ZNF133: variants seen among roughly 807,000 people sequenced by gnomAD.
ZNF133 encodes zinc finger protein 133 (clone pHZ-13).
A neutral mutation model predicts 54.9 loss-of-function variants in ZNF133; 26 were observed. The ratio of observed to expected loss-of-function variants is 0.47; its 90% CI spans 0.35 to 0.66. The LOEUF (loss-of-function observed/expected upper bound fraction) is 0.66, where lower values mean the gene tolerates loss of function less well. Ranked by LOEUF, ZNF133 falls within the 30% of genes least tolerant of loss-of-function variation. ZNF133 has a pLI of 0.01. For synonymous variants in ZNF133, 298 were observed against 320.3 expected, an observed-to-expected ratio of 0.93 and a Z score of 0.74; for missense variants, 653 against 820.8, an observed-to-expected ratio of 0.80 and a Z score of 2.50.
chr20:18,298,956 A>C (rs552831708), intron 3 of ZNF133, among the ~76,000 whole-genome samples: 1 of 152,292 alleles, frequency 6.6e-6, no homozygotes, highest in South Asian at 2.1e-4. Context: ...CATCAATATT[A>C]AAAACAAAAC....
chr20:18,295,541 T>C (rs1380670757), intron 1 of ZNF133: 2 of 152,276 alleles, frequency 1.3e-5, no homozygotes, highest in African/African-American at 4.8e-5. Flanking sequence ...ATTTGGCTCA[T>C]TAGATCTACT....
intron 1 of ZNF133, among the ~76,000 whole-genome samples, chr20:18,291,186 C>T (rs2040895279): frequency 6.6e-6 from 1 of 152,206 alleles, no homozygotes; most frequent in Admixed American, 6.5e-5. Context: ...CTCTTCTTCA[C>T]CTTCTTGCCT....
chr20:18,314,271 G>A (rs184553623), intron 6 of ZNF133: 10 of 152,268 alleles, frequency 6.6e-5, no homozygotes, highest in Admixed American at 5.9e-4. Flanking sequence ...GCCTTCAGCT[G>A]ACTAGACCCA....
At position 18,305,591 on chromosome 20, in the gene ZNF133, G is replaced by A. The variant is rs913259476; in HGVS notation, c.-6-90G>A. ...TCACTGGGATCTTGATATCTCACCT[G>A]CCTCCCCCAGGGCAGCCTTATCCCT... is the stretch of plus-strand genomic sequence containing the variant. On this transcript the variant is annotated intron_variant, in intron 4 of 6. Coordinates refer to ENST00000425686, the MANE Select transcript of ZNF133 (RefSeq NM_001352452.2). The surrounding 1 kb of genome is among the most constrained non-coding windows in gnomAD (Gnocchi z 4.7). 1.5e-5 allele frequency: 23 copies of A among 1,585,908 alleles called. No homozygotes were observed. Among genetic ancestry groups the A allele is most frequent in the South Asian group, 9.0e-5 (8 of 88,664 alleles).
In ZNF133 at chr20:18,315,397, A is replaced by G. The variant is rs768082962; in HGVS notation, c.546A>G (p.Arg182=). The part of the protein sequence containing the change: ...RQPVSSRNGL[R]GVELEASPAQ... The stretch of plus-strand genomic sequence containing the variant: ...CAGTCAGCTCTCGGAACGGCCTCAG[A>G]GGGGTGGAGTTAGAAGCCAGCCCAG... The change falls in exon 7 of 7, where the codon AGA becomes AGG. Residue 182 remains arginine, a synonymous_variant. Coordinates refer to ENST00000425686, the MANE Select transcript of ZNF133 (RefSeq NM_001352452.2). 1.2e-6 allele frequency: 2 copies of G among 1,614,176 alleles called. No homozygotes were observed. Among genetic ancestry groups the G allele is most frequent in the East Asian group, 2.2e-5 (1 of 44,870 alleles).
intron 6 of ZNF133, among the ~76,000 whole-genome samples, chr20:18,311,187 G>A (rs1216062484): frequency 4.6e-5 from 7 of 152,136 alleles, no homozygotes. Context: ...AGGGTGAGGT[G>A]TTGTGTGCCT....
intron 1 of ZNF133, among the ~76,000 whole-genome samples, chr20:18,296,215 A>G (rs1195780435): frequency 6.6e-6 from 1 of 152,108 alleles, no homozygotes; most frequent in African/African-American, 2.4e-5. Flanking sequence ...TTAAATGCTC[A>G]TCATCAGTCT....
intron 1 of ZNF133, among the ~76,000 whole-genome samples, chr20:18,288,946 C>T (rs2040257115): frequency 6.6e-6 from 1 of 152,072 alleles, no homozygotes; most frequent in East Asian, 1.9e-4. Context: ...TCGCTGATGC[C>T]ATAAGTCCCC....
chr20:18,315,075 C>T lies in ZNF133; in HGVS notation c.224C>T (p.Pro75Leu). 1 of 1,526,434 alleles carries T rather than the reference C, an allele frequency of 6.6e-7. No individual in the cohort carries two copies. Among genetic ancestry groups the T allele is most frequent in the South Asian group, 1.3e-5 (1 of 75,934 alleles). The allele number at this position is 1,526,434 out of a possible 1,614,324, so 94.6% of individuals were successfully genotyped here. Residue 75 changes from proline to leucine, a missense_variant, in exon 7 of 7, where the codon CCA becomes CTA. By Grantham distance (98) the Pro-to-Leu change is moderately conservative. This residue lies in a region of ZNF133 where 227 missense variants were observed against 233.9 expected (regional missense o/e 0.97). Coordinates refer to ENST00000425686, the MANE Select transcript of ZNF133 (RefSeq NM_001352452.2). The part of the protein sequence containing the change: ...KCSPATCPAD[P>L]EPELYLDPFC... ...CACACTTTTCTCTCTGCAGCAGATCCAGAGCCAGAGCTCTACCTCGATCCT... is the reference window on the plus strand; with the variant it reads ...CACACTTTTCTCTCTGCAGCAGATCTAGAGCCAGAGCTCTACCTCGATCCT...
chr20:18,305,643 T>C lies in ZNF133; in HGVS notation c.-6-38T>C. ...CCCCTCACCCTGCCATGGGCAAGGC[T>C]GGCTTCTGAGTGAGCAGGGCTCAGT... On this transcript the variant is annotated intron_variant, in intron 4 of 6. Coordinates refer to ENST00000425686, the MANE Select transcript of ZNF133 (RefSeq NM_001352452.2). The surrounding 1 kb of genome is among the most constrained non-coding windows in gnomAD (Gnocchi z 4.7). The C allele has an allele frequency of 6.2e-7, 1 of 1,613,870 alleles. No individual in the cohort carries two copies. Among genetic ancestry groups the C allele is most frequent in the South Asian group, 1.1e-5 (1 of 91,040 alleles).
At chr20:18,290,905 T>A (rs1194544367) in intron 1 of ZNF133, among the ~76,000 whole-genome samples, 2 of 152,188 alleles carry the variant, frequency 1.3e-5, no homozygotes, top group African/African-American at 4.8e-5. Flanking sequence ...AGCGGGCAGA[T>A]CACCTGAGGT....
chr20:18,310,666 A>G (rs7262066), intron 6 of ZNF133, among the ~76,000 whole-genome samples: 52,214 of 152,026 alleles, frequency 0.34, 10,735 homozygotes, highest in African/African-American at 0.56. Flanking sequence ...TCACATAGAA[A>G]GAATAAGTTC....
chr20:18,305,196 C>A lies in ZNF133; in HGVS notation c.-7+18C>A, dbSNP rs1402844141. On this transcript the variant is annotated intron_variant, in intron 4 of 6. Transcript: ENST00000425686. This position sits in a 1 kb window ranked among gnomAD's most constrained non-coding sequence, Gnocchi z 4.7. ...TTTCACAGGTAAGAAAACTGGGATACTAGTTGGTGGCAGAGGTGGGTCTGA... is the reference window on the plus strand; with the variant it reads ...TTTCACAGGTAAGAAAACTGGGATAATAGTTGGTGGCAGAGGTGGGTCTGA... 58 of 989,692 alleles carry A rather than the reference C, an allele frequency of 5.9e-5. No individual in the cohort carries two copies. Among genetic ancestry groups the A allele is most frequent in the Non-Finnish European group, 6.8e-5 (57 of 833,264 alleles). 61.3% of individuals were successfully genotyped at this position (989,692 alleles called of 1,614,324 possible).
At chr20:18,295,684 G>T (rs777555959) in intron 1 of ZNF133, among the ~76,000 whole-genome samples, 8 of 151,900 alleles carry the variant, frequency 5.3e-5, no homozygotes, top group Non-Finnish European at 1.2e-4. Flanking sequence ...TTGAGGCAGG[G>T]TCTCACTCTC....
chr20:18,288,922 A>G (rs1568710936), intron 1 of ZNF133, among the ~76,000 whole-genome samples: 1 of 152,014 alleles, frequency 6.6e-6, no homozygotes, highest in Non-Finnish European at 1.5e-5. Flanking sequence ...GAAGTCGGGT[A>G]TTGGGAAAGG....
intron 1 of ZNF133, among the ~76,000 whole-genome samples, chr20:18,294,657 GT>G (rs2041856466): frequency 6.6e-6 from 1 of 152,110 alleles, no homozygotes; most frequent in Non-Finnish European, 1.5e-5. Context: ...ATATTCTTGA[GT>G]TTTTGTTTTG....
chr20:18,307,601 ATC>A (rs781753600), intron 6 of ZNF133, among the ~76,000 whole-genome samples: 1 of 152,234 alleles, frequency 6.6e-6, no homozygotes, highest in African/African-American at 2.4e-5. Context: ...ATCTGCCTGA[ATC>A]TCTCTGTCCC....
At position 18,298,471 on chromosome 20, in the gene ZNF133, C is replaced by A. The variant is rs2042676191; in HGVS notation, c.-178+7C>A. ...GGGGAAGGAAGCATGGAGGGTAAGT[C>A]ACAGCTAATTTTAGCTCTTAGTATA... On this transcript the variant is annotated splice_region_variant and intron_variant, in intron 3 of 6. Transcript: ENST00000425686. 1 of 339,332 alleles carries A rather than the reference C, an allele frequency of 2.9e-6. No individual in the cohort carries two copies. Among genetic ancestry groups the A allele is most frequent in the Non-Finnish European group, 4.3e-6 (1 of 230,686 alleles). The allele number at this position is 339,332 out of a possible 1,614,324, so 21.0% of individuals were successfully genotyped here. A position where few individuals can be genotyped will look rare whatever the true frequency, so the allele number is the denominator to read the frequency against.
At chr20:18,312,105 TTA>T (rs1225884857) in intron 6 of ZNF133, among the ~76,000 whole-genome samples, 1 of 152,150 alleles carries the variant, frequency 6.6e-6, no homozygotes, top group Admixed American at 6.5e-5. Flanking sequence ...GGAATTTCAT[TTA>T]TGTTTTGTGT....
Sources: allele counts gnomAD v4.1 joint callset (sites outside exome capture counted in the v4.1 genomes callset), GRCh38; gene constraint gnomAD v4.1.1; regional missense constraint gnomAD v4.1.1; non-coding constraint Gnocchi (gnomAD v3.1); transcripts MANE v1.5; gene names NCBI Gene and HGNC (gene_info 2026-07-23, HGNC 2026-07-21).